The following MRE11 variants were observed in gnomAD, a reference collection of about 807,000 sequenced individuals.
MRE11 encodes double-strand break repair protein MRE11.
In MRE11, 62 loss-of-function variants were observed where a neutral mutation model predicts 91.7. The ratio of observed to expected loss-of-function variants is 0.68; its 90% confidence interval spans 0.55 to 0.84. MRE11 has a LOEUF of 0.84. MRE11 is among the 40% of genes least tolerant of loss of function. The pLI, the probability that MRE11 is intolerant of heterozygous loss-of-function variation, is 0.00. For missense variants in MRE11, 796 were observed against 852.9 expected, an observed-to-expected ratio of 0.93 and a Z score of 0.83; for synonymous variants, 273 against 271.4, an observed-to-expected ratio of 1.01 and a Z score of -0.06.
In MRE11 at chr11:94,437,349, C is replaced by G. The variant is rs1294054860; in HGVS notation, c.1868-114G>C. 3.5e-6 allele frequency: 3 copies of G among 862,568 alleles called. No individual in the cohort carries two copies. The African/African-American group carries it at 5.2e-5, about 15-fold the overall frequency. 53.4% of individuals were successfully genotyped at this position (862,568 alleles called of 1,614,324 possible). A position where few individuals can be genotyped will look rare whatever the true frequency, so the allele number is the denominator to read the frequency against. ...GTCCTATCTGCAAAACTGAATGATG[C>G]CTAATTATAAAACTATTTGATATTT... On this transcript the variant is annotated intron_variant, in intron 16 of 19. Coordinates refer to ENST00000323929, the MANE Select transcript of MRE11 (RefSeq NM_005591.4).
At chr11:94,498,337 G>A, upstream of MRE11, 2 of 1,613,748 alleles carry the variant, frequency 1.2e-6, no homozygotes, top group Non-Finnish European at 1.7e-6. Context: ...AAGGCCTCTT[G>A]ACCCCCTTGC....
chr11:94,496,642 A>T (rs918981541), upstream of MRE11: 28 of 1,455,872 alleles, frequency 1.9e-5, no homozygotes, highest in South Asian at 6.9e-5. Context: ...ATCTCTAGAA[A>T]GATTTATATC....
intron 12 of MRE11, 78 bp downstream of exon 12, chr11:94,460,858 A>G: frequency 8.5e-7 from 1 of 1,171,256 alleles, no homozygotes; most frequent in Non-Finnish European, 1.3e-6. Flanking sequence ...TGTTTAAACT[A>G]TCAACTAAAC....
intron 14 of MRE11, among the ~76,000 whole-genome samples, chr11:94,452,950 C>G (rs1463115618): frequency 6.6e-6 from 1 of 152,066 alleles, no homozygotes; most frequent in Non-Finnish European, 1.5e-5. Context: ...TCTCATCATC[C>G]CAAACTGAAA....
the MRE11 span, among the ~76,000 whole-genome samples, chr11:94,501,666 T>C: frequency 6.6e-6 from 1 of 151,870 alleles, no homozygotes; most frequent in East Asian, 1.9e-4. Flanking sequence ...AATCATTCCC[T>C]GGAGGCACAG....
chr11:94,419,042 A>G lies in MRE11; in HGVS notation c.*1083T>C, dbSNP rs118070493. The G allele has an allele frequency of 4.4e-3, 1,018 of 231,982 alleles. 15 individuals carry two copies. Among genetic ancestry groups the G allele is most frequent in the African/African-American group, 0.019 (878 of 45,402 alleles). 14.4% of individuals were successfully genotyped at this position (231,982 alleles called of 1,614,324 possible). On this transcript the variant is annotated 3_prime_UTR_variant, in exon 20 of 20. Transcript: ENST00000323929. The stretch of plus-strand genomic sequence containing the variant: ...ATTTTAAAGTAAAGCTGTCGCATAA[A>G]ACTAGAAGAAGGAATAATCTCAGGG...
Position 94,478,775 on chromosome 11 carries a change from C to T in MRE11, c.504G>A (p.Leu168=). ...SVEKIDISPV[L]LQKGSTKIAL... The stretch of plus-strand genomic sequence containing the variant: ...CAATCTTTGTGCTTCCTTTTTGAAG[C>T]AAAACCGGACTAATGTCTATCTTCT... The change falls in exon 6 of 20, where the codon TTG becomes TTA. Residue 168 remains leucine, a synonymous_variant. Coordinates refer to ENST00000323929, the MANE Select transcript of MRE11 (RefSeq NM_005591.4). 1 of 1,613,392 alleles carries T rather than the reference C, an allele frequency of 6.2e-7. No individual in the cohort carries two copies. The highest frequency in any genetic ancestry group is 8.5e-7 in the Non-Finnish European group (1 of 1,179,852).
intron 19 of MRE11, among the ~76,000 whole-genome samples, chr11:94,427,756 T>C (rs1213416093): frequency 1.3e-5 from 2 of 151,470 alleles, no homozygotes; most frequent in African/African-American, 4.9e-5. Flanking sequence ...ACGTTCAAGC[T>C]GAGAGTCAAA....
In MRE11 at chr11:94,416,349, A is replaced by G. The variant is rs2134715143; in HGVS notation, c.*3776T>C. On this transcript the variant is annotated 3_prime_UTR_variant, in exon 20 of 20. Coordinates refer to ENST00000323929, the MANE Select transcript of MRE11 (RefSeq NM_005591.4). ...AATGTACATGGCAACAGCAAGTTAT[A>G]TAAGCTGGTTCTTTAGATCAAACTA... The G allele has an allele frequency of 6.6e-6, 1 of 152,368 alleles. No individual in the cohort carries two copies. The highest frequency in any genetic ancestry group is 1.9e-4 in the East Asian group (1 of 5,192). 9.4% of individuals were successfully genotyped at this position (152,368 alleles called of 1,614,324 possible).
At position 94,485,880 on chromosome 11, in the gene MRE11, C is replaced by T. The variant is rs1012143098; in HGVS notation, c.314+44G>A. 5.1e-6 allele frequency: 8 copies of T among 1,576,482 alleles called. No homozygotes were observed. In the African/African-American group the frequency reaches 1.1e-4, roughly 21 times the overall value. On this transcript the variant is annotated intron_variant, in intron 4 of 19. Coordinates refer to ENST00000323929, the MANE Select transcript of MRE11 (RefSeq NM_005591.4). ...GTTTACGTGTCTTATACAGCAAATA[C>T]CATACACAAGTAATCACTCACTCAA...
Position 94,478,651 on chromosome 11 carries a change from A to T in MRE11, c.544+84T>A, listed in dbSNP as rs1946934851. ...GAATAAGGTTTGCCCCATTTTTTCC[A>T]AACAGATACAAACTTATCTCCAAAT... On this transcript the variant is annotated intron_variant, in intron 6 of 19. Coordinates refer to ENST00000323929, the MANE Select transcript of MRE11 (RefSeq NM_005591.4). 6 of 1,522,052 alleles carry T rather than the reference A, an allele frequency of 3.9e-6. No individual in the cohort carries two copies. The Admixed American group carries it at 5.3e-5, about 13-fold the overall frequency. 94.3% of individuals were successfully genotyped at this position (1,522,052 alleles called of 1,614,324 possible).
intron 18 of MRE11, among the ~76,000 whole-genome samples, chr11:94,435,261 G>C (rs1945571172): frequency 6.6e-6 from 1 of 152,136 alleles, no homozygotes; most frequent in Non-Finnish European, 1.5e-5. Flanking sequence ...CTTCCATTAA[G>C]AAAAGCACTG....
upstream of MRE11, among the ~76,000 whole-genome samples, chr11:94,496,046 G>C (rs766735761): frequency 6.6e-6 from 1 of 152,176 alleles, no homozygotes; most frequent in Non-Finnish European, 1.5e-5. Flanking sequence ...TTTTAAAGCA[G>C]TGAATTTTCC....
At chr11:94,470,774 TCTG>T (rs1946688949) in intron 8 of MRE11, 132 bp from the exon 9 acceptor site, 1 of 973,996 alleles carries the variant, frequency 1.0e-6, no homozygotes, top group East Asian at 2.6e-5. Flanking sequence ...AATAAATGTT[TCTG>T]CTAATTTAAC....
At chr11:94,500,666 C>T in the MRE11 span, among the ~76,000 whole-genome samples, 2 of 152,134 alleles carry the variant, frequency 1.3e-5, no homozygotes, top group South Asian at 2.1e-4. Flanking sequence ...AGATTCATAG[C>T]GTCATTCTTA....
At chr11:94,454,715 T>C (rs1402294190) in intron 14 of MRE11, among the ~76,000 whole-genome samples, 2 of 152,170 alleles carry the variant, frequency 1.3e-5, no homozygotes, top group Non-Finnish European at 2.9e-5. Context: ...CCACCTTCCT[T>C]GTATAAGACG....
intron 6 of MRE11, 22 bp downstream of exon 6, chr11:94,478,713 C>T (rs1265489565): frequency 6.2e-7 from 1 of 1,611,102 alleles, no homozygotes; most frequent in African/African-American, 1.3e-5. Context: ...TGGACATAAA[C>T]AGTAAAATAA....
chr11:94,505,353 G>C, the MRE11 span, among the ~76,000 whole-genome samples: 1 of 152,144 alleles, frequency 6.6e-6, no homozygotes, highest in Admixed American at 6.5e-5. Flanking sequence ...GACAAGATGT[G>C]GAGGGGGAAG....
In MRE11 at chr11:94,429,975, G is replaced by A; in HGVS notation, c.2006C>T (p.Thr669Ile). Reference sequence around the variant, plus strand: ...CTGGGACATGATTTTGCTGGATGATGTGCTGGACCACCTGAGGCAAAACAA... The same window carrying A: ...CTGGGACATGATTTTGCTGGATGATATGCTGGACCACCTGAGGCAAAACAA... The part of the protein sequence containing the change: ...TSKTDQRWSS[T>I]SSSKIMSQSQ... The change falls in exon 19 of 20, where the codon ACA becomes ATA. Residue 669 changes from threonine (T) to isoleucine (I), a missense_variant. Coordinates refer to ENST00000323929, the MANE Select transcript of MRE11 (RefSeq NM_005591.4). 6.2e-7 allele frequency: 1 copy of A among 1,614,050 alleles called. No individual in the cohort carries two copies. The highest frequency in any genetic ancestry group is 1.7e-4 in the Middle Eastern group (1 of 6,040).
Sources: allele counts gnomAD v4.1 joint callset (sites outside exome capture counted in the v4.1 genomes callset), GRCh38; gene constraint gnomAD v4.1.1; transcripts MANE v1.5; gene names NCBI Gene and HGNC (gene_info 2026-07-23, HGNC 2026-07-21).